The following TMEM255A variants were observed in gnomAD, a reference collection of about 807,000 sequenced individuals.
TMEM255A encodes the protein transmembrane protein 255A, also known as family with sequence similarity 70, member A.
TMEM255A carries 14 observed loss-of-function variants against 23.5 expected under a neutral mutation model. That is an observed-to-expected ratio of 0.60 (90% CI 0.39 to 0.93). The LOEUF (loss-of-function observed/expected upper bound fraction) is 0.93. TMEM255A is among the 40% of genes least tolerant of loss of function. TMEM255A has a pLI of 0.00. For synonymous variants in TMEM255A, 104 were observed against 100.3 expected, an observed-to-expected ratio of 1.04 and a Z score of -0.22; for missense variants, 233 against 261.7, an observed-to-expected ratio of 0.89 and a Z score of 0.76.
intron 8 of TMEM255A, among the ~76,000 whole-genome samples, chrX:120,261,814 C>G (rs1436459716): frequency 9.0e-6 from 1 of 111,529 alleles, no homozygotes; most frequent in Non-Finnish European, 1.9e-5. Context: ...CTTTCTCTCC[C>G]TGGCCCACGT....
chrX:120,262,959 G>T (rs1039472240), intron 8 of TMEM255A, among the ~76,000 whole-genome samples: 1 of 111,391 alleles, frequency 9.0e-6, no homozygotes, highest in Non-Finnish European at 1.9e-5. Context: ...AAAGGGGGTG[G>T]TACAACGGCC....
At chrX:120,300,554 ATTTTTTTTTT>A (rs368966488) in intron 2 of TMEM255A, among the ~76,000 whole-genome samples, 1 of 74,233 alleles carries the variant, frequency 1.3e-5, no homozygotes, top group East Asian at 4.4e-4. Context: ...GGCCAGGCTA[ATTTTTTTTTT>A]TTTTTTTTTT....
At chrX:120,268,453 T>C in intron 7 of TMEM255A, 66 bp from the exon 8 acceptor site, 1 of 885,438 alleles carries the variant, frequency 1.1e-6, no homozygotes, top group Non-Finnish European at 1.6e-6. Flanking sequence ...TAAATAAACT[T>C]AGTACATCTA....
At position 120,279,318 on chromosome X, in the gene TMEM255A, T is replaced by C. The variant is rs145080617; in HGVS notation, c.513-2271A>G. On this transcript the variant is annotated intron_variant, in intron 6 of 8. Transcript: ENST00000371369. Reference sequence around the variant, plus strand: ...GAGTTTCAATTAATCAGAGTTTGAATTGGATTTCAGTATTTTCAGGAGCAT... The same window carrying C: ...GAGTTTCAATTAATCAGAGTTTGAACTGGATTTCAGTATTTTCAGGAGCAT... Among the ~76,000 whole-genome samples the C allele has an allele frequency of 6.8e-3, 765 of 111,721 alleles. 3 individuals carry two copies. Among genetic ancestry groups the C allele is most frequent in the African/African-American group, 0.024 (739 of 30,675 alleles).
chrX:120,308,017 G>T (rs782388192), intron 1 of TMEM255A, among the ~76,000 whole-genome samples: 27 of 112,126 alleles, frequency 2.4e-4, no homozygotes, highest in African/African-American at 8.8e-4. Context: ...CCCCTGGTCA[G>T]AGCCCCCATC....
chrX:120,257,986 T>A (rs782799978), downstream of TMEM255A: 1 of 123,386 alleles, frequency 8.1e-6, no homozygotes, highest in South Asian at 3.7e-4. Context: ...ATGAAAATGC[T>A]TAAACTACAG....
chrX:120,310,729 G>GC (rs782364263), intron 1 of TMEM255A, among the ~76,000 whole-genome samples: 561 of 16,552 alleles, frequency 0.034, 12 homozygotes, highest in South Asian at 0.042. Flanking sequence ...TGCGCAACCC[G>GC]CCCCCCCCCC....
intron 1 of TMEM255A, among the ~76,000 whole-genome samples, chrX:120,309,359 G>A (rs782795101): frequency 1.8e-5 from 2 of 113,218 alleles, no homozygotes; most frequent in South Asian, 7.2e-4. Context: ...CAAGATCGCT[G>A]AGGGCCCCTG....
At chrX:120,295,894 A>G (rs964240043) in intron 2 of TMEM255A, among the ~76,000 whole-genome samples, 1 of 112,344 alleles carries the variant, frequency 8.9e-6, no homozygotes, top group Non-Finnish European at 1.9e-5. Flanking sequence ...TTATTTTTAC[A>G]GCCATTTAAC....
At chrX:120,272,764 C>T (rs782570217) in intron 7 of TMEM255A, among the ~76,000 whole-genome samples, 9 of 85,152 alleles carry the variant, frequency 1.1e-4, no homozygotes, top group African/African-American at 3.6e-4. Context: ...TTTTTTGAGA[C>T]GCAGTCTCAC....
the TMEM255A span, among the ~76,000 whole-genome samples, chrX:120,251,565 T>C: frequency 1.8e-5 from 2 of 111,439 alleles, no homozygotes; most frequent in African/African-American, 6.5e-5. Context: ...GCAGGGTCCA[T>C]ATGGGGAAGA....
chrX:120,298,635 A>C (rs1249555033), intron 2 of TMEM255A, among the ~76,000 whole-genome samples: 1 of 111,278 alleles, frequency 9.0e-6, no homozygotes, highest in Admixed American at 9.6e-5. Flanking sequence ...CTAAAATAAG[A>C]AGTCTAAATT....
At chrX:120,268,756 A>G (rs17332047) in intron 7 of TMEM255A, among the ~76,000 whole-genome samples, 40,384 of 111,030 alleles carry the variant, frequency 0.36, 5,690 homozygotes, top group East Asian at 0.56. Context: ...ATATATGTCA[A>G]AATGTTTACA....
Position 120,291,283 on chromosome X carries a change from T to C in TMEM255A, c.322A>G (p.Ile108Val), listed in dbSNP as rs139782947. ...FGVIAAFCCA[I>V]VDGVFAARHI... ...CTGGCAGCAAAGACCCCGTCAACTA[T>C]GGCACAACAAAAAGCCGCAATCACA... is the stretch of plus-strand genomic sequence containing the variant. The change falls in exon 4 of 9, where the codon ATA becomes GTA. Residue 108 changes from isoleucine to valine, a missense_variant. Transcript: ENST00000371369. The C allele has an allele frequency of 5.0e-6, 6 of 1,207,315 alleles. No homozygotes were observed. The highest frequency in any genetic ancestry group is 3.5e-5 in the African/African-American group (2 of 56,866).
intron 2 of TMEM255A, among the ~76,000 whole-genome samples, chrX:120,296,979 TATTA>T (rs2057988280): frequency 2.6e-4 from 1 of 3,852 alleles, no homozygotes; most frequent in African/African-American, 1.7e-3. Flanking sequence ...ATATTATATA[TATTA>T]TATATATATT....
intron 1 of TMEM255A, chrX:120,310,116 C>T (rs1188217497): frequency 1.8e-5 from 2 of 111,418 alleles, no homozygotes; most frequent in African/African-American, 6.5e-5. Flanking sequence ...CCTGAGCAGA[C>T]TGATGGCAGG....
Position 120,285,191 on chromosome X carries a change from C to G in TMEM255A, c.448G>C (p.Glu150Gln), listed in dbSNP as rs782258232. ...EEVNCPHLSR[E>Q]FCTPRIRGNT... ...CCCCGGATGCGAGGTGTGCAGAATTCACGGCTGAGGTGAGGGCAGTTAACC... is the reference window on the plus strand; with the variant it reads ...CCCCGGATGCGAGGTGTGCAGAATTGACGGCTGAGGTGAGGGCAGTTAACC... Residue 150 changes from glutamate to glutamine, a missense_variant, in exon 6 of 9, where the codon GAA becomes CAA. By Grantham distance (29) the Glu-to-Gln change is conservative. Coordinates refer to ENST00000371369, the MANE Select transcript of TMEM255A (RefSeq NM_001104544.3). The G allele has an allele frequency of 1.7e-6, 2 of 1,211,241 alleles. No individual in the cohort carries two copies. The highest frequency in any genetic ancestry group is 2.2e-6 in the Non-Finnish European group (2 of 895,034).
chrX:120,269,781 C>G (rs2057743331), intron 7 of TMEM255A, among the ~76,000 whole-genome samples: 1 of 111,685 alleles, frequency 9.0e-6, no homozygotes, highest in Non-Finnish European at 1.9e-5. Flanking sequence ...TTACCTCTCC[C>G]CCAGAATTCT....
intron 2 of TMEM255A, among the ~76,000 whole-genome samples, chrX:120,297,645 G>A (rs73219119): frequency 0.027 from 3,048 of 111,210 alleles, 49 homozygotes; most frequent in Middle Eastern, 0.074. Context: ...GGAAAATGAA[G>A]GCATAGATAA....
Sources: allele counts gnomAD v4.1 joint callset (sites outside exome capture counted in the v4.1 genomes callset), GRCh38; gene constraint gnomAD v4.1.1; transcripts MANE v1.5; gene names NCBI Gene and HGNC (gene_info 2026-07-23, HGNC 2026-07-21).